KCNQ1: variants seen among roughly 807,000 people sequenced by gnomAD.
KCNQ1 encodes the protein potassium voltage-gated channel subfamily Q member 1, also known as potassium voltage-gated channel subfamily KQT member 1.
Under a neutral mutation model 72.4 loss-of-function variants are expected in KCNQ1, and 49 were observed. The ratio of observed to expected loss-of-function variants is 0.68; its 90% CI spans 0.54 to 0.86. KCNQ1 has a LOEUF of 0.86. Ranked by LOEUF, KCNQ1 falls within the 40% of genes least tolerant of loss-of-function variation. The pLI, the probability that KCNQ1 is intolerant of heterozygous loss-of-function variation, is 0.00. For synonymous variants in KCNQ1, 450 were observed against 412.6 expected, an observed-to-expected ratio of 1.09 and a Z score of -1.10; for missense variants, 790 against 945.1, an observed-to-expected ratio of 0.84 and a Z score of 2.15.
intron 2 of KCNQ1, among the ~76,000 whole-genome samples, chr11:2,533,156 CCT>C (rs1847669761): frequency 1.3e-5 from 2 of 152,196 alleles, no homozygotes; most frequent in Admixed American, 6.5e-5. Context: ...CCAGGGAGCC[CCT>C]GTTTTCTCGT....
chr11:2,445,274 C>A lies in KCNQ1; in HGVS notation c.176C>A (p.Pro59Gln). 1 of 1,266,446 alleles carries A rather than the reference C, an allele frequency of 7.9e-7. No homozygotes were observed. The highest frequency in any genetic ancestry group is 9.9e-7 in the Non-Finnish European group (1 of 1,011,768). 78.5% of individuals were successfully genotyped at this position (1,266,446 alleles called of 1,614,324 possible). A position where few individuals can be genotyped will look rare whatever the true frequency, so the allele number is the denominator to read the frequency against. Residue 59 changes from proline (P) to glutamine (Q), a missense_variant, in exon 1 of 16, where the codon CCA (proline) becomes CAA (glutamine). Physicochemically the swap from Pro to Gln is moderately conservative, Grantham distance 76. Transcript: ENST00000155840. ...TACGCGCCCATCGCGCCCGGCGCCC[C>A]AGGTCCCGCGCCCCCTGCGTCCCCG... is the stretch of plus-strand genomic sequence containing the variant. ...ALYAPIAPGA[P>Q]GPAPPASPAA...
At position 2,627,486 on chromosome 11, in the gene KCNQ1, T is replaced by G. The variant is rs566934658; in HGVS notation, c.1394-34475T>G. ...ACTCCCTGACCCCTAGTAACCACCC[T>G]TCTACTCTCCGTTTCTCTGAGTTCA... On this transcript the variant is annotated intron_variant, in intron 10 of 15. Coordinates refer to ENST00000155840, the MANE Select transcript of KCNQ1 (RefSeq NM_000218.3). This position sits in a 1 kb window ranked among gnomAD's most constrained non-coding sequence, Gnocchi z 4.9. The G allele has an allele frequency of 7.5e-6, 3 of 398,544 alleles. No homozygotes were observed. The Admixed American group carries it at 1.3e-4, about 18-fold the overall frequency. 24.7% of individuals were successfully genotyped at this position (398,544 alleles called of 1,614,324 possible). A position where few individuals can be genotyped will look rare whatever the true frequency, so the allele number is the denominator to read the frequency against.
rs1845716899 is a variant in KCNQ1 at position 2,723,981 on chromosome 11, G to A, written c.1515-44863G>A. Among the ~76,000 whole-genome samples, 1 of 152,074 alleles carries A rather than the reference G, an allele frequency of 6.6e-6. No individual in the cohort carries two copies. The highest frequency in any genetic ancestry group is 2.4e-5 in the African/African-American group (1 of 41,420). ...GAGGCATTTACTCTTTTCACCGGGG[G>A]AGCAGAAATCAGAACATGGCTCTCT... On this transcript the variant is annotated intron_variant, in intron 11 of 15. Transcript: ENST00000155840. The surrounding 1 kb of genome is among the most constrained non-coding windows in gnomAD (Gnocchi z 4.2).
At chr11:2,560,760 C>T (rs1371726167) in intron 2 of KCNQ1, among the ~76,000 whole-genome samples, 1 of 152,046 alleles carries the variant, frequency 6.6e-6, no homozygotes, top group African/African-American at 2.4e-5. Context: ...GTGAGCTGGT[C>T]TCAGCACTGA....
At chr11:2,534,723 A>T (rs1212713401) in intron 2 of KCNQ1, among the ~76,000 whole-genome samples, 1 of 152,184 alleles carries the variant, frequency 6.6e-6, no homozygotes, top group Non-Finnish European at 1.5e-5. Flanking sequence ...GGAGCTACCC[A>T]GCTAAGACCG....
At position 2,516,035 on chromosome 11, in the gene KCNQ1, C is replaced by T. The variant is rs568408681; in HGVS notation, c.387-11893C>T. Among the ~76,000 whole-genome samples, 7 of 152,216 alleles carry T rather than the reference C, an allele frequency of 4.6e-5. No individual in the cohort carries two copies. Among genetic ancestry groups the T allele is most frequent in the African/African-American group, 1.4e-4 (6 of 41,540 alleles). ...CTGAGCCCCTGGGCCTATCCGCCCA[C>T]GCCCAGGCCAGGGCTCCTGCTGGAA... On this transcript the variant is annotated intron_variant, in intron 1 of 15. Transcript: ENST00000155840. The surrounding 1 kb of genome is among the most constrained non-coding windows in gnomAD (Gnocchi z 7.0).
chr11:2,722,900 C>T (rs147294081), intron 11 of KCNQ1, among the ~76,000 whole-genome samples: 7 of 152,236 alleles, frequency 4.6e-5, no homozygotes, highest in Admixed American at 2.0e-4. Context: ...GCTGCCTTAG[C>T]GGAGTGGGGG....
Position 2,847,843 on chromosome 11 carries a change from C to G in KCNQ1, c.1871C>G (p.Thr624Ser). The G allele has an allele frequency of 6.4e-7, 1 of 1,570,064 alleles. No individual in the cohort carries two copies. The highest frequency in any genetic ancestry group is 1.3e-5 in the African/African-American group (1 of 74,122). ...CTGCTCTCCTTGCACGGTGGCAGCA[C>G]CCCCGGCAGCGGCGGCCCCCCCAGA... ...HQLLSLHGGS[T>S]PGSGGPPREG... The change falls in exon 16 of 16, where the codon ACC becomes AGC. Residue 624 changes from threonine (T) to serine (S), a missense_variant. Thr to Ser is a moderately conservative substitution (Grantham distance 58, BLOSUM62 1). Transcript: ENST00000155840.
Position 2,800,313 on chromosome 11 carries a change from C to T in KCNQ1, c.1794+22276C>T, listed in dbSNP as rs966463654. 5.9e-5 allele frequency among the ~76,000 whole-genome samples: 9 copies of T among 152,252 alleles called. No individual in the cohort carries two copies. The South Asian group carries it at 1.0e-3, about 17-fold the overall frequency. ...ACCCTGCAAAGAGGGGGCTGACAGC[C>T]GTTCCTGCTTCCTACTGGGCAGAGG... On this transcript the variant is annotated intron_variant, in intron 15 of 15. Coordinates refer to ENST00000155840, the MANE Select transcript of KCNQ1 (RefSeq NM_000218.3).
intron 2 of KCNQ1, among the ~76,000 whole-genome samples, chr11:2,534,876 G>A (rs941064529): frequency 6.6e-6 from 1 of 152,236 alleles, no homozygotes; most frequent in African/African-American, 2.4e-5. Flanking sequence ...AGCAGCCCAT[G>A]GGCTCATGAA....
intron 10 of KCNQ1, chr11:2,618,936 A>G (rs1849117386): frequency 5.0e-6 from 2 of 398,202 alleles, no homozygotes; most frequent in South Asian, 1.3e-4. Flanking sequence ...TTTTGATGCT[A>G]TCATAAATGG....
At position 2,662,369 on chromosome 11, in the gene KCNQ1, T is replaced by C. The variant is rs910651450; in HGVS notation, c.1514+288T>C. 5.5e-6 allele frequency: 3 copies of C among 548,838 alleles called. No individual in the cohort carries two copies. The East Asian group carries it at 8.7e-5, about 16-fold the overall frequency. The allele number at this position is 548,838 out of a possible 1,614,324, so 34.0% of individuals were successfully genotyped here. ...CTTTGAGAGTCTGAGATTGTTTTTC[T>C]CTCCCCCAGCCCCCTCCCCTGCCCC... On this transcript the variant is annotated intron_variant, in intron 11 of 15. Transcript: ENST00000155840.
rs988947857 is a variant in KCNQ1, at chr11:2,725,093, G to A, written c.1515-43751G>A. Among the ~76,000 whole-genome samples, 3 of 152,206 alleles carry A rather than the reference G, an allele frequency of 2.0e-5. No homozygotes were observed. Among genetic ancestry groups the A allele is most frequent in the Non-Finnish European group, 2.9e-5 (2 of 68,038 alleles). ...GACAATGACTCCTAAACAAGCTCAC[G>A]TCTTGAAGCAGTGCTGGACCCGTTT... On this transcript the variant is annotated intron_variant, in intron 11 of 15. Transcript: ENST00000155840. This position sits in a 1 kb window ranked among gnomAD's most constrained non-coding sequence, Gnocchi z 7.2.
chr11:2,725,615 A>T lies in KCNQ1; in HGVS notation c.1515-43229A>T, dbSNP rs1022761938. On this transcript the variant is annotated intron_variant, in intron 11 of 15. Coordinates refer to ENST00000155840, the MANE Select transcript of KCNQ1 (RefSeq NM_000218.3). This position sits in a 1 kb window ranked among gnomAD's most constrained non-coding sequence, Gnocchi z 7.2. ...CAGACTTGCCCTCGCCCCCTTCCCG[A>T]ACGTACCCTTTCCATGAGGCTGGGC... Among the ~76,000 whole-genome samples the T allele has an allele frequency of 6.6e-6, 1 of 152,126 alleles. No individual in the cohort carries two copies. Among genetic ancestry groups the T allele is most frequent in the African/African-American group, 2.4e-5 (1 of 41,428 alleles).
At position 2,478,107 on chromosome 11, in the gene KCNQ1, G is replaced by T. The variant is rs1846598961; in HGVS notation, c.386+32623G>T. 6.6e-6 allele frequency among the ~76,000 whole-genome samples: 1 copy of T among 152,030 alleles called. No homozygotes were observed. Among genetic ancestry groups the T allele is most frequent in the Non-Finnish European group, 1.5e-5 (1 of 68,016 alleles). On this transcript the variant is annotated intron_variant, in intron 1 of 15. Transcript: ENST00000155840. This position sits in a 1 kb window ranked among gnomAD's most constrained non-coding sequence, Gnocchi z 4.0. ...AGCTTCACCACCCTCCGGATGGACA[G>T]CCTCGGTAGCAGAACTCCTGCCAAA...
chr11:2,445,546 G>T, intron 1 of KCNQ1, 62 bp downstream of exon 1: 1 of 1,553,790 alleles, frequency 6.4e-7, no homozygotes, highest in Admixed American at 1.9e-5. Flanking sequence ...GTGTGGGGGA[G>T]CTCTGTCCCA....
At position 2,847,849 on chromosome 11, in the gene KCNQ1, G is replaced by A; in HGVS notation, c.1877G>A (p.Gly626Asp). Reference sequence around the variant, plus strand: ...TCCTTGCACGGTGGCAGCACCCCCGGCAGCGGCGGCCCCCCCAGAGAGGGC... The same window carrying A: ...TCCTTGCACGGTGGCAGCACCCCCGACAGCGGCGGCCCCCCCAGAGAGGGC... ...LLSLHGGSTP[G>D]SGGPPREGGA... is the part of the protein sequence containing the mutation. The change falls in exon 16 of 16, where the codon GGC becomes GAC. Residue 626 changes from glycine to aspartate, a missense_variant. Physicochemically the swap from Gly to Asp is moderately conservative, Grantham distance 94. Transcript: ENST00000155840. 2 of 1,571,716 alleles carry A rather than the reference G, an allele frequency of 1.3e-6. No homozygotes were observed. Among genetic ancestry groups the A allele is most frequent in the Non-Finnish European group, 1.7e-6 (2 of 1,158,176 alleles).
Position 2,699,012 on chromosome 11 carries a change from A to G in KCNQ1, c.1514+36931A>G, listed in dbSNP as rs1850725299. ...CCGATCCTAATTCGGGCCCTGACTC[A>G]GAACCACTAAGTGGATTTCCGACTC... On this transcript the variant is annotated intron_variant, in intron 11 of 15. Coordinates refer to ENST00000155840, the MANE Select transcript of KCNQ1 (RefSeq NM_000218.3). 7 of 398,636 alleles carry G rather than the reference A, an allele frequency of 1.8e-5. No homozygotes were observed. In the East Asian group the frequency reaches 2.5e-4, roughly 14 times the overall value. The allele number at this position is 398,636 out of a possible 1,614,324, so 24.7% of individuals were successfully genotyped here.
rs1246018519 is a variant in KCNQ1, at chr11:2,816,366, C to T, written c.1795-31401C>T. On this transcript the variant is annotated intron_variant, in intron 15 of 15. Coordinates refer to ENST00000155840, the MANE Select transcript of KCNQ1 (RefSeq NM_000218.3). This position sits in a 1 kb window ranked among gnomAD's most constrained non-coding sequence, Gnocchi z 6.8. ...GCGCCGTGGGGGAGAATTTCAAGAG[C>T]CTTTTGTGAAAATGGTCAGGCTGCT... Among the ~76,000 whole-genome samples, 8 of 152,186 alleles carry T rather than the reference C, an allele frequency of 5.3e-5. No individual in the cohort carries two copies. The highest frequency in any genetic ancestry group is 1.0e-4 in the Non-Finnish European group (7 of 68,040).
Sources: gnomAD v4.1 joint callset for allele counts (sites outside exome capture counted in the v4.1 genomes callset) on GRCh38, gnomAD v4.1.1 for gene constraint, Gnocchi (gnomAD v3.1) non-coding constraint, MANE v1.5 for transcripts, NCBI Gene and HGNC (gene_info 2026-07-23, HGNC 2026-07-21) for gene names.